The following RGL2 variants were observed in gnomAD, a reference collection of about 807,000 sequenced individuals.
RGL2 encodes ral guanine nucleotide dissociation stimulator-like 2.
RGL2 carries 40 observed loss-of-function variants against 84.6 expected under a neutral mutation model. The ratio of observed to expected loss-of-function variants is 0.47; its 90% CI spans 0.37 to 0.62. The LOEUF (loss-of-function observed/expected upper bound fraction) is 0.62, where lower values mean the gene tolerates loss of function less well. Ranked by LOEUF, RGL2 falls within the 20% of genes least tolerant of loss-of-function variation. RGL2 has a pLI of 0.00. For synonymous variants in RGL2, 369 were observed against 417.3 expected (o/e 0.88, Z 1.41); for missense variants, 865 against 1,019.7 (o/e 0.85, Z 2.07).
rs1368755324 is a variant in RGL2, at chr6:33,295,127, C to T, written c.1209G>A (p.Gln403=). Residue 403 remains glutamine, a splice_region_variant and synonymous_variant, in exon 9 of 18, where the codon CAG becomes CAA. Transcript: ENST00000497454. The surrounding 1 kb of genome is among the most constrained non-coding windows in gnomAD (Gnocchi z 7.2). ...NYSQSRELLV[Q]EVKLQSPLEP... ...GGAATGCCACAAACCAGGCTCTCAC[C>T]TGCACGAGCAGCTCCCGACTCTGGG... The T allele has an allele frequency of 6.2e-7, 1 of 1,606,810 alleles. No individual in the cohort carries two copies. Among genetic ancestry groups the T allele is most frequent in the South Asian group, 1.1e-5 (1 of 89,666 alleles).
upstream of RGL2, chr6:33,299,783 G>A (rs1249282349): frequency 1.3e-5 from 2 of 152,376 alleles, no homozygotes; most frequent in African/African-American, 4.8e-5. The surrounding 1 kb of genome is among the most constrained non-coding windows in gnomAD (Gnocchi z 5.0). Context: ...GGAGATCCCT[G>A]AGCTGCGCCG....
chr6:33,296,142 C>T lies in RGL2; in HGVS notation c.654G>A (p.Gln218=), dbSNP rs1290146655. 1 of 1,613,906 alleles carries T rather than the reference C, an allele frequency of 6.2e-7. No individual in the cohort carries two copies. The highest frequency in any genetic ancestry group is 8.5e-7 in the Non-Finnish European group (1 of 1,179,982). ...CCAGGGGCTTAGGAAGGTCGGGGGC[C>T]TGGGGGTCCACCCGGGACCGGAGAT... is the stretch of plus-strand genomic sequence containing the variant. ...IRNLRSRVDP[Q]APDLPKPLAL... Residue 218 remains glutamine, a synonymous_variant, in exon 6 of 18, where the codon CAG becomes CAA. Coordinates refer to ENST00000497454, the MANE Select transcript of RGL2 (RefSeq NM_004761.5). This position sits in a 1 kb window ranked among gnomAD's most constrained non-coding sequence, Gnocchi z 5.0.
chr6:33,296,009 C>T lies in RGL2; in HGVS notation c.768+19G>A. On this transcript the variant is annotated intron_variant, in intron 6 of 17. Transcript: ENST00000497454. The surrounding 1 kb of genome is among the most constrained non-coding windows in gnomAD (Gnocchi z 5.0). ...AGTAAGGGGTCAGGGGGCATAGGGG[C>T]CAGAGGTCAGGGTCTCACCGCATCT... The T allele has an allele frequency of 6.2e-7, 1 of 1,613,354 alleles. No homozygotes were observed. Among genetic ancestry groups the T allele is most frequent in the East Asian group, 2.2e-5 (1 of 44,868 alleles).
rs374451112 is a variant in RGL2, at chr6:33,296,749, G to A, written c.268C>T (p.Arg90Ter). The stretch of plus-strand genomic sequence containing the variant: ...TCCAGAGTGCCAGCTCGGAGCCGTC[G>A]GGAGGAACGTGGGGGAGGCATAGGG... ...LVPMPPPRSS[R>*]RLRAGTLEAL... Residue 90 changes from arginine (R) to a stop codon, truncating the protein, a stop_gained, in exon 4 of 18, where the codon CGA becomes TGA. Coordinates refer to ENST00000497454, the MANE Select transcript of RGL2 (RefSeq NM_004761.5). LOFTEE classifies it high-confidence loss of function. This position sits in a 1 kb window ranked among gnomAD's most constrained non-coding sequence, Gnocchi z 5.0. 1.9e-6 allele frequency: 3 copies of A among 1,614,014 alleles called. No individual in the cohort carries two copies. The highest frequency in any genetic ancestry group is 8.5e-7 in the Non-Finnish European group (1 of 1,180,012).
At position 33,297,292 on chromosome 6, in the gene RGL2, G is replaced by A. The variant is rs533557554; in HGVS notation, c.157-177C>T. Reference sequence around the variant, plus strand: ...GTGACCCCAGGTCTCCCCCACTGGGGCCCAGACAGCCCCACCCCAGCCGCC... The same window carrying A: ...GTGACCCCAGGTCTCCCCCACTGGGACCCAGACAGCCCCACCCCAGCCGCC... On this transcript the variant is annotated intron_variant, in intron 2 of 17. Transcript: ENST00000497454. The surrounding 1 kb of genome is among the most constrained non-coding windows in gnomAD (Gnocchi z 4.0). 2 of 536,872 alleles carry A rather than the reference G, an allele frequency of 3.7e-6. No homozygotes were observed. The highest frequency in any genetic ancestry group is 3.6e-5 in the Admixed American group (1 of 27,892). The allele number at this position is 536,872 out of a possible 1,614,324, so 33.3% of individuals were successfully genotyped here.
In RGL2 at chr6:33,293,781, C is replaced by T; in HGVS notation, c.1508+14G>A. On this transcript the variant is annotated intron_variant, in intron 13 of 17. Transcript: ENST00000497454. The surrounding 1 kb of genome is among the most constrained non-coding windows in gnomAD (Gnocchi z 7.0). ...GGCCAGAACCCTGGAGTCCCAACCT[C>T]ACCCGCCAGTCACCTCTGAGCCTCT... is the stretch of plus-strand genomic sequence containing the variant. 1 of 1,613,932 alleles carries T rather than the reference C, an allele frequency of 6.2e-7. No homozygotes were observed. Among genetic ancestry groups the T allele is most frequent in the South Asian group, 1.1e-5 (1 of 91,082 alleles).
intron 16 of RGL2, 110 bp downstream of exon 16, chr6:33,292,906 T>C: frequency 7.4e-7 from 1 of 1,345,230 alleles, no homozygotes; most frequent in East Asian, 2.4e-5. Flanking sequence ...AAACCAAAGG[T>C]CAAAATTAAA....
chr6:33,292,491 GTT>G lies in RGL2; in HGVS notation c.2059_2060del (p.Asn687GlnfsTer3). 6.2e-7 allele frequency: 1 copy of G among 1,614,108 alleles called. No homozygotes were observed. Among genetic ancestry groups the G allele is most frequent in the Non-Finnish European group, 8.5e-7 (1 of 1,180,016 alleles). ...CTGAAGCCACTGCAGAGTCACGATT[GTT>G]TTTCTTAAGGACACGACTGATGACA... is the stretch of plus-strand genomic sequence containing the variant. ...PSVISRVLKK[N>X]NRDSAVASEY... On this transcript the variant is annotated frameshift_variant, in exon 17 of 18. Transcript: ENST00000497454. LOFTEE classifies it high-confidence loss of function.
In RGL2 at chr6:33,298,827, G is replaced by T. The variant is rs916538383; in HGVS notation, c.-42+43C>A. On this transcript the variant is annotated intron_variant, in intron 1 of 17. Coordinates refer to ENST00000497454, the MANE Select transcript of RGL2 (RefSeq NM_004761.5). This position sits in a 1 kb window ranked among gnomAD's most constrained non-coding sequence, Gnocchi z 4.8. ...GCCCTTGGTGCTGTTGGGGAAGGAG[G>T]AGGTCACGAGTACGGGGACGCGCAG... 2.8e-5 allele frequency: 12 copies of T among 430,230 alleles called. No individual in the cohort carries two copies. The East Asian group carries it at 4.2e-4, about 15-fold the overall frequency. The allele number at this position is 430,230 out of a possible 1,614,324, so 26.7% of individuals were successfully genotyped here.
rs1272038769 is a variant in RGL2 at position 33,294,720 on chromosome 6, T to C, written c.1321A>G (p.Met441Val). The stretch of plus-strand genomic sequence containing the variant: ...TCATCCTTGGAGGCTGCATCCAGCA[T>C]CACAAGGTCCTTCAGGAAGGTGCCA... Reference protein sequence around the residue: ...YLGTFLKDLVMLDAASKDELE... With the variant: ...YLGTFLKDLVVLDAASKDELE... Residue 441 changes from methionine to valine, a missense_variant, in exon 11 of 18, where the codon ATG (methionine) becomes GTG (valine). By Grantham distance (21) the Met-to-Val change is conservative. This residue lies in a region of RGL2 where 75 missense variants were observed against 130.8 expected (regional missense o/e 0.57). Transcript: ENST00000497454. The surrounding 1 kb of genome is among the most constrained non-coding windows in gnomAD (Gnocchi z 5.0). The C allele has an allele frequency of 5.6e-6, 9 of 1,613,886 alleles. No individual in the cohort carries two copies. The highest frequency in any genetic ancestry group is 7.6e-6 in the Non-Finnish European group (9 of 1,180,000).
At position 33,296,828 on chromosome 6, in the gene RGL2, G is replaced by A; in HGVS notation, c.241-52C>T. 6.2e-7 allele frequency: 1 copy of A among 1,606,502 alleles called. No homozygotes were observed. The highest frequency in any genetic ancestry group is 8.5e-7 in the Non-Finnish European group (1 of 1,173,218). On this transcript the variant is annotated intron_variant, in intron 3 of 17. Coordinates refer to ENST00000497454, the MANE Select transcript of RGL2 (RefSeq NM_004761.5). The surrounding 1 kb of genome is among the most constrained non-coding windows in gnomAD (Gnocchi z 5.0). ...AACCCTTTCTCCCACTCTGCACCTA[G>A]ATTTCTGAGGACAATCCCAGACCCA...
chr6:33,297,070 T>G lies in RGL2; in HGVS notation c.202A>C (p.Thr68Pro). 6.3e-7 allele frequency: 1 copy of G among 1,574,866 alleles called. No individual in the cohort carries two copies. The highest frequency in any genetic ancestry group is 8.6e-7 in the Non-Finnish European group (1 of 1,162,926). The change falls in exon 3 of 18, where the codon ACC (threonine) becomes CCC (proline). Residue 68 changes from threonine (T) to proline (P), a missense_variant. Thr to Pro is a conservative substitution (Grantham distance 38, BLOSUM62 -1). This residue lies in a region of RGL2 where 455 missense variants were observed against 507.8 expected (regional missense o/e 0.90). Coordinates refer to ENST00000497454, the MANE Select transcript of RGL2 (RefSeq NM_004761.5). The surrounding 1 kb of genome is among the most constrained non-coding windows in gnomAD (Gnocchi z 4.0). ...WDEEEDGAVF[T>P]VTSRQYRPLD... ...GGTCGATATTGGCGGCTTGTGACGG[T>G]AAACACGGCACCATCCTCCTCCTCA...
chr6:33,299,382 A>G (rs1273994875), upstream of RGL2: 1 of 152,106 alleles, frequency 6.6e-6, no homozygotes, highest in East Asian at 1.9e-4. This position sits in a 1 kb window ranked among gnomAD's most constrained non-coding sequence, Gnocchi z 5.0. Flanking sequence ...TAGCTGACCG[A>G]AATCCCGGCC....
chr6:33,296,692 T>G lies in RGL2; in HGVS notation c.325A>C (p.Thr109Pro). 1 of 1,613,882 alleles carries G rather than the reference T, an allele frequency of 6.2e-7. No individual in the cohort carries two copies. The highest frequency in any genetic ancestry group is 8.5e-7 in the Non-Finnish European group (1 of 1,179,994). ...ATGAAGCTCACATCAGTCCCTGATG[T>G]CCGGGTATCCAGTAGGTGTCTGACC... is the stretch of plus-strand genomic sequence containing the variant. ...ALVRHLLDTR[T>P]SGTDVSFMSA... Residue 109 changes from threonine (T) to proline (P), a missense_variant, in exon 4 of 18, where the codon ACA becomes CCA. Physicochemically the swap from Thr to Pro is conservative, Grantham distance 38 (BLOSUM62 -1). This residue lies in a region of RGL2 where 455 missense variants were observed against 507.8 expected (regional missense o/e 0.90). Transcript: ENST00000497454. The surrounding 1 kb of genome is among the most constrained non-coding windows in gnomAD (Gnocchi z 5.0).
In RGL2 at chr6:33,292,257, C is replaced by T. The variant is rs774220563; in HGVS notation, c.2179G>A (p.Asp727Asn). The change falls in exon 18 of 18, where the codon GAT becomes AAT. Residue 727 changes from aspartate to asparagine, a missense_variant. By Grantham distance (23) the Asp-to-Asn change is conservative. This residue lies in a region of RGL2 where 302 missense variants were observed against 327.9 expected (regional missense o/e 0.92). Transcript: ENST00000497454. ...VFYAMDGASH[D>N]FLLRQRRRSS... ...CTTCGCCGCTGCCGCAGGAGGAAAT[C>T]GTGTGAAGCTCCATCCATGGCGTAG... is the stretch of plus-strand genomic sequence containing the variant. 12 of 1,614,196 alleles carry T rather than the reference C, an allele frequency of 7.4e-6. No individual in the cohort carries two copies. In the African/African-American group the frequency reaches 1.5e-4, roughly 20 times the overall value.
rs150224176 is a variant in RGL2 at position 33,293,423 on chromosome 6, C to A, written c.1706G>T (p.Arg569Leu). ...APTTPAPLLT[R>L]LAQHMKWPSV... ...AGGAGCAGAGCTCACCTGGGCCAGC[C>A]GAGTCAGCAGAGGAGCAGGAGTTGT... Residue 569 changes from arginine to leucine, a missense_variant, in exon 15 of 18, where the codon CGG (arginine) becomes CTG (leucine). Around this residue, in one of 5 missense-constraint regions of RGL2, gnomAD observed 302 missense variants for 327.9 expected, o/e 0.92. Transcript: ENST00000497454. This position sits in a 1 kb window ranked among gnomAD's most constrained non-coding sequence, Gnocchi z 7.0. 6.2e-7 allele frequency: 1 copy of A among 1,613,542 alleles called. No homozygotes were observed. The highest frequency in any genetic ancestry group is 8.5e-7 in the Non-Finnish European group (1 of 1,179,786).
rs777135424 is a variant in RGL2 at position 33,293,402 on chromosome 6, G to T, written c.1716+11C>A. 2.6e-4 allele frequency: 412 copies of T among 1,611,732 alleles called. No individual in the cohort carries two copies. The highest frequency in any genetic ancestry group is 3.4e-4 in the Non-Finnish European group (397 of 1,179,014). On this transcript the variant is annotated intron_variant, in intron 15 of 17. Coordinates refer to ENST00000497454, the MANE Select transcript of RGL2 (RefSeq NM_004761.5). This position sits in a 1 kb window ranked among gnomAD's most constrained non-coding sequence, Gnocchi z 7.0. ...GTCAGCGTCAAGGTCAGAGTCAGGA[G>T]CAGAGCTCACCTGGGCCAGCCGAGT...
At position 33,298,141 on chromosome 6, in the gene RGL2, C is replaced by T. The variant is rs1768184570; in HGVS notation, c.156+314G>A. 3.9e-6 allele frequency: 1 copy of T among 257,960 alleles called. No homozygotes were observed. The allele number at this position is 257,960 out of a possible 1,614,324, so 16.0% of individuals were successfully genotyped here. A position where few individuals can be genotyped will look rare whatever the true frequency, so the allele number is the denominator to read the frequency against. On this transcript the variant is annotated intron_variant, in intron 2 of 17. Transcript: ENST00000497454. The surrounding 1 kb of genome is among the most constrained non-coding windows in gnomAD (Gnocchi z 4.8). ...CAAAAACAAGGAGGGAGACAGGGAC[C>T]AAGACACGACTGCTCAGAGAGGTAG...
chr6:33,296,369 C>A lies in RGL2; in HGVS notation c.471-44G>T. On this transcript the variant is annotated intron_variant, in intron 5 of 17. Coordinates refer to ENST00000497454, the MANE Select transcript of RGL2 (RefSeq NM_004761.5). The surrounding 1 kb of genome is among the most constrained non-coding windows in gnomAD (Gnocchi z 5.0). ...CCAAGGGTGAGAGGTAAAGCTGCAG[C>A]CTGGGCAGAGGGGACTGTGAGATTA... The A allele has an allele frequency of 6.2e-7, 1 of 1,605,342 alleles. No homozygotes were observed.
Sources: gnomAD v4.1 joint callset for allele counts on GRCh38, gnomAD v4.1.1 for gene constraint, gnomAD v4.1.1 regional missense constraint, Gnocchi (gnomAD v3.1) non-coding constraint, MANE v1.5 for transcripts, NCBI Gene and HGNC (gene_info 2026-07-23, HGNC 2026-07-21) for gene names.